Variants in SPIRE1 observed in about 807,000 individuals in gnomAD.
The protein encoded by SPIRE1 is spire type actin nucleation factor 1.
SPIRE1 carries 40 observed loss-of-function variants against 94.1 expected under a neutral mutation model. The ratio of observed to expected loss-of-function variants is 0.43; its 90% CI spans 0.33 to 0.55. The LOEUF (loss-of-function observed/expected upper bound fraction) is 0.55, where lower values mean the gene tolerates loss of function less well. SPIRE1 is among the 20% of genes least tolerant of loss of function. The pLI is 0.06. For missense variants in SPIRE1, 838 were observed against 975.2 expected (o/e 0.86, Z 1.87); for synonymous variants, 376 against 371.7 (o/e 1.01, Z -0.13).
chr18:12,456,850 C>T (rs868223515), intron 12 of SPIRE1, among the ~76,000 whole-genome samples: 1 of 152,130 alleles, frequency 6.6e-6, no homozygotes, highest in Non-Finnish European at 1.5e-5. Flanking sequence ...ATTTTTCTTT[C>T]GTTTTGAGAC....
In SPIRE1 at chr18:12,453,140, TA is replaced by T; in HGVS notation, c.1777-3del. The stretch of plus-strand genomic sequence containing the variant: ...CCTGGTTCGGCAACAAAAGCAGAGC[TA>T]AAAAATACAAATTTAAGAGGAAAAA... On this transcript the variant is annotated splice_polypyrimidine_tract_variant and splice_region_variant and intron_variant, in intron 13 of 16. Transcript: ENST00000409402. The T allele has an allele frequency of 1.9e-6, 3 of 1,602,988 alleles. No homozygotes were observed. The highest frequency in any genetic ancestry group is 2.2e-5 in the East Asian group (1 of 44,630).
chr18:12,477,189 T>G (rs1213739283), intron 10 of SPIRE1, among the ~76,000 whole-genome samples: 1 of 152,086 alleles, frequency 6.6e-6, no homozygotes, highest in Non-Finnish European at 1.5e-5. Context: ...GAAAGAGGAC[T>G]AGAAAAGGAG....
intron 9 of SPIRE1, among the ~76,000 whole-genome samples, chr18:12,484,297 T>C (rs2032953502): frequency 6.6e-6 from 1 of 152,228 alleles, no homozygotes; most frequent in African/African-American, 2.4e-5. Context: ...AGTAGTGACA[T>C]ATATATTACT....
chr18:12,531,099 C>T (rs932557800), intron 4 of SPIRE1, among the ~76,000 whole-genome samples: 6 of 152,056 alleles, frequency 3.9e-5, no homozygotes, highest in African/African-American at 1.5e-4. Context: ...AGGGTCTTGC[C>T]TTGTTGGCCA....
chr18:12,520,493 G>A (rs2034328261), intron 4 of SPIRE1, among the ~76,000 whole-genome samples: 1 of 152,142 alleles, frequency 6.6e-6, no homozygotes, highest in African/African-American at 2.4e-5. Flanking sequence ...ATGACAGGAG[G>A]TCAGAGAGAG....
intron 10 of SPIRE1, among the ~76,000 whole-genome samples, chr18:12,469,243 C>T (rs2143660831): frequency 6.6e-6 from 1 of 152,074 alleles, no homozygotes; most frequent in East Asian, 1.9e-4. Flanking sequence ...TGCTCATTCA[C>T]CCAGGCTGGA....
chr18:12,546,042 T>A (rs1047782756), intron 3 of SPIRE1, among the ~76,000 whole-genome samples: 3 of 152,148 alleles, frequency 2.0e-5, no homozygotes, highest in African/African-American at 7.2e-5. Context: ...CAGGCTGAAG[T>A]GCAGTGGCGT....
chr18:12,652,897 C>T (rs1434167752), intron 1 of SPIRE1: 2 of 152,162 alleles, frequency 1.3e-5, no homozygotes, highest in African/African-American at 4.8e-5. Flanking sequence ...ACTATTTCTT[C>T]TAAAAGGACT....
chr18:12,626,867 A>AATATATATATATAT (rs1555634098), intron 2 of SPIRE1, among the ~76,000 whole-genome samples: 14 of 110,448 alleles, frequency 1.3e-4, no homozygotes, highest in South Asian at 3.5e-4. Flanking sequence ...TAAGCTGTAA[A>AATATATATATATAT]ATATATATAT....
chr18:12,654,906 T>C (rs1289985578), intron 1 of SPIRE1, among the ~76,000 whole-genome samples: 1 of 151,744 alleles, frequency 6.6e-6, no homozygotes, highest in African/African-American at 2.4e-5. Context: ...CATGCGCCTA[T>C]AGTCCCAGCT....
intron 2 of SPIRE1, among the ~76,000 whole-genome samples, chr18:12,601,751 T>C (rs890903590): frequency 6.6e-6 from 1 of 152,180 alleles, no homozygotes; most frequent in Non-Finnish European, 1.5e-5. Context: ...CTCTGGATTT[T>C]TTCACAGTGC....
At chr18:12,627,377 C>A (rs530328566) in intron 2 of SPIRE1, among the ~76,000 whole-genome samples, 1 of 152,278 alleles carries the variant, frequency 6.6e-6, no homozygotes, top group South Asian at 2.1e-4. Context: ...TATGTCCCTG[C>A]AAAGGACATG....
At chr18:12,514,955 A>G (rs141994029) in intron 4 of SPIRE1, among the ~76,000 whole-genome samples, 2 of 152,356 alleles carry the variant, frequency 1.3e-5, no homozygotes, top group Non-Finnish European at 2.9e-5. Context: ...TTGGAACCTT[A>G]GCGCCTGAGA....
At chr18:12,521,216 A>C (rs34460164) in intron 4 of SPIRE1, among the ~76,000 whole-genome samples, 14,362 of 152,302 alleles carry the variant, frequency 0.094, 970 homozygotes, top group Middle Eastern at 0.19. Flanking sequence ...GTTTTATTTA[A>C]GATAAACCGA....
intron 10 of SPIRE1, among the ~76,000 whole-genome samples, chr18:12,477,327 A>G (rs1297209038): frequency 6.6e-6 from 1 of 152,186 alleles, no homozygotes; most frequent in African/African-American, 2.4e-5. Flanking sequence ...TGGGCCCTTG[A>G]GTGCCATGAC....
chr18:12,536,336 G>A (rs541869457), intron 3 of SPIRE1, among the ~76,000 whole-genome samples: 1 of 152,240 alleles, frequency 6.6e-6, no homozygotes, highest in East Asian at 1.9e-4. Flanking sequence ...TCAATGTACT[G>A]CTGAATTATC....
intron 10 of SPIRE1, among the ~76,000 whole-genome samples, chr18:12,471,711 T>C (rs771332200): frequency 6.6e-6 from 1 of 152,254 alleles, no homozygotes; most frequent in African/African-American, 2.4e-5. Flanking sequence ...TTAGACAGAC[T>C]TGGGTTTCAA....
intron 12 of SPIRE1, among the ~76,000 whole-genome samples, chr18:12,461,565 ATGTATG>A: frequency 7.5e-6 from 1 of 132,584 alleles, no homozygotes; most frequent in South Asian, 2.2e-4. Flanking sequence ...ATGCGTGTAT[ATGTATG>A]TACATACATA....
At chr18:12,501,790 G>A (rs1459294310) in intron 6 of SPIRE1, among the ~76,000 whole-genome samples, 1 of 152,096 alleles carries the variant, frequency 6.6e-6, no homozygotes, top group East Asian at 1.9e-4. Flanking sequence ...GCAAGAACCT[G>A]CCTCTACAAA....
Sources: gnomAD v4.1 joint callset for allele counts (sites outside exome capture counted in the v4.1 genomes callset) on GRCh38, gnomAD v4.1.1 for gene constraint, MANE v1.5 for transcripts, NCBI Gene and HGNC (gene_info 2026-07-23, HGNC 2026-07-21) for gene names.